Variants in GALNTL6 observed in about 807,000 individuals in gnomAD.
The protein encoded by GALNTL6 is polypeptide N-acetylgalactosaminyltransferase-like 6.
A neutral mutation model predicts 73.7 loss-of-function variants in GALNTL6; 46 were observed. The ratio of observed to expected loss-of-function variants is 0.62; its 90% CI spans 0.49 to 0.80. GALNTL6 has a LOEUF of 0.80. Ranked by LOEUF, GALNTL6 falls within the 30% of genes least tolerant of loss-of-function variation. GALNTL6 has a pLI of 0.00. For synonymous variants in GALNTL6, 259 were observed against 263.7 expected, an observed-to-expected ratio of 0.98 and a Z score of 0.17; for missense variants, 604 against 755.0, an observed-to-expected ratio of 0.80 and a Z score of 2.34.
chr4:172,713,681 A>C (rs1384476332), intron 5 of GALNTL6, among the ~76,000 whole-genome samples: 1 of 152,150 alleles, frequency 6.6e-6, no homozygotes, highest in East Asian at 1.9e-4. Context: ...GATTTCCCTC[A>C]AGTCAGAAAC....
At position 172,329,817 on chromosome 4, in the gene GALNTL6, G is replaced by A. The variant is rs143183068; in HGVS notation, c.386+18065G>A. On this transcript the variant is annotated intron_variant, in intron 4 of 12. Coordinates refer to ENST00000506823, the MANE Select transcript of GALNTL6 (RefSeq NM_001034845.3). Reference sequence around the variant, plus strand: ...TCAGAGAAGCTGGGAACCACTGAAAGGTGGGAAACACTGGCAAGGGTGGCT... The same window carrying A: ...TCAGAGAAGCTGGGAACCACTGAAAAGTGGGAAACACTGGCAAGGGTGGCT... Among the ~76,000 whole-genome samples, 121 of 152,270 alleles carry A rather than the reference G, an allele frequency of 7.9e-4. 2 individuals carry two copies. The South Asian group carries it at 0.016, about 20-fold the overall frequency.
chr4:171,821,110 G>A (rs112320290), intron 2 of GALNTL6, among the ~76,000 whole-genome samples: 1 of 151,914 alleles, frequency 6.6e-6, no homozygotes, highest in Admixed American at 6.6e-5. Flanking sequence ...ACTGTAACTC[G>A]CTGCAGCCTC....
intron 2 of GALNTL6, among the ~76,000 whole-genome samples, chr4:172,050,111 T>C (rs1408322351): frequency 2.0e-5 from 3 of 152,310 alleles, no homozygotes; most frequent in Middle Eastern, 3.4e-3. Flanking sequence ...TGGACTTTAG[T>C]AGTGGTAACT....
intron 2 of GALNTL6, among the ~76,000 whole-genome samples, chr4:172,216,330 G>GT (rs57059035): frequency 3.1e-4 from 45 of 144,686 alleles, no homozygotes; most frequent in Admixed American, 7.6e-4. Context: ...CAGTGTTTTT[G>GT]TTTTTTTTTT....
chr4:172,245,035 A>T lies in GALNTL6; in HGVS notation c.247+15271A>T, dbSNP rs927272946. Among the ~76,000 whole-genome samples, 9 of 152,194 alleles carry T rather than the reference A, an allele frequency of 5.9e-5. No homozygotes were observed. In the South Asian group the frequency reaches 1.9e-3, roughly 31 times the overall value. Reference sequence around the variant, plus strand: ...AAATTTTCTGCTGAAGGAACACGGTATCTGGCAAGAATCAAGACGAAAAAG... The same window carrying T: ...AAATTTTCTGCTGAAGGAACACGGTTTCTGGCAAGAATCAAGACGAAAAAG... On this transcript the variant is annotated intron_variant, in intron 3 of 12. Coordinates refer to ENST00000506823, the MANE Select transcript of GALNTL6 (RefSeq NM_001034845.3).
At chr4:172,955,608 T>A (rs867600802) in intron 10 of GALNTL6, among the ~76,000 whole-genome samples, 4 of 152,240 alleles carry the variant, frequency 2.6e-5, no homozygotes, top group Non-Finnish European at 5.9e-5. Flanking sequence ...CTTTTTATTT[T>A]GGAATAATTT....
At chr4:172,427,571 T>C (rs754655524) in intron 5 of GALNTL6, among the ~76,000 whole-genome samples, 10 of 152,100 alleles carry the variant, frequency 6.6e-5, no homozygotes, top group Non-Finnish European at 1.3e-4. Flanking sequence ...ACATGTTAAA[T>C]TGTGCTCAAT....
Position 171,838,134 on chromosome 4 carries a change from A to T in GALNTL6, c.138+23416A>T, listed in dbSNP as rs143779727. ...TATTTATTTATTTATTTATTTATTTATTTTTTGAGACAGAGTTTCGCTCTT... is the reference window on the plus strand; with the variant it reads ...TATTTATTTATTTATTTATTTATTTTTTTTTTGAGACAGAGTTTCGCTCTT... On this transcript the variant is annotated intron_variant, in intron 2 of 12. Transcript: ENST00000506823. 7.8e-3 allele frequency among the ~76,000 whole-genome samples: 1,179 copies of T among 150,688 alleles called. 20 individuals are homozygous for T. Among genetic ancestry groups the T allele is most frequent in the African/African-American group, 0.028 (1,118 of 40,520 alleles).
At chr4:172,253,685 G>A (rs919657084) in intron 3 of GALNTL6, among the ~76,000 whole-genome samples, 2 of 151,830 alleles carry the variant, frequency 1.3e-5, no homozygotes, top group African/African-American at 2.4e-5. Flanking sequence ...GGTAATAGAC[G>A]TTCACATCAG....
At chr4:172,482,028 G>A (rs1202606639) in intron 5 of GALNTL6, among the ~76,000 whole-genome samples, 4 of 152,236 alleles carry the variant, frequency 2.6e-5, no homozygotes, top group African/African-American at 9.6e-5. Context: ...CCGGGAGGCA[G>A]CTGAGGCCAG....
intron 5 of GALNTL6, among the ~76,000 whole-genome samples, chr4:172,804,148 T>A (rs953200745): frequency 4.6e-5 from 7 of 152,208 alleles, no homozygotes; most frequent in Non-Finnish European, 8.8e-5. Context: ...ATTAAAAAAA[T>A]TTAAGAATAT....
chr4:171,965,788 C>T (rs1259346971), intron 2 of GALNTL6, among the ~76,000 whole-genome samples: 4 of 151,672 alleles, frequency 2.6e-5, no homozygotes, highest in African/African-American at 9.7e-5. Context: ...TTGCCTTACA[C>T]AAGTGAGGGA....
intron 2 of GALNTL6, among the ~76,000 whole-genome samples, chr4:171,875,302 G>C (rs184159404): frequency 2.6e-5 from 4 of 152,302 alleles, no homozygotes; most frequent in Admixed American, 2.0e-4. Context: ...GACTGACCGG[G>C]CTGGGAGCAG....
At position 171,967,449 on chromosome 4, in the gene GALNTL6, T is replaced by TTTTTTTTGTTTG. The variant is rs747345394; in HGVS notation, c.138+152738_138+152739insGTTTGTTTTTTT. ...TTGTAGTTTTCTTCCCCCTATGGGT[T>TTTTTTTTGTTTG]TTTTTTTTTTTTTTTTGTAGATGTA... On this transcript the variant is annotated intron_variant, in intron 2 of 12. Transcript: ENST00000506823. Among the ~76,000 whole-genome samples the TTTTTTTTGTTTG allele has an allele frequency of 6.8e-3, 824 of 120,408 alleles. 16 individuals carry two copies. The highest frequency in any genetic ancestry group is 0.036 in the East Asian group (153 of 4,228). The allele number at this position is 120,408 out of a possible 152,430, so 79.0% of individuals were successfully genotyped here.
chr4:172,988,172 GC>G (rs1250724721), intron 10 of GALNTL6, among the ~76,000 whole-genome samples: 4 of 152,180 alleles, frequency 2.6e-5, no homozygotes, highest in Admixed American at 1.3e-4. Context: ...CAACCAAAAT[GC>G]CAATAGTAAT....
chr4:172,483,490 C>G (rs1439430484), intron 5 of GALNTL6, among the ~76,000 whole-genome samples: 1 of 152,006 alleles, frequency 6.6e-6, no homozygotes, highest in Non-Finnish European at 1.5e-5. Context: ...TTGTAGTGGC[C>G]TTTGTGATTC....
chr4:172,164,157 C>G lies in GALNTL6; in HGVS notation c.139-65499C>G, dbSNP rs546798799. Among the ~76,000 whole-genome samples the G allele has an allele frequency of 4.6e-5, 7 of 152,042 alleles. No homozygotes were observed. In the South Asian group the frequency reaches 6.2e-4, roughly 14 times the overall value. On this transcript the variant is annotated intron_variant, in intron 2 of 12. Transcript: ENST00000506823. Reference sequence around the variant, plus strand: ...ACTTTTGACATGGGACTGACTTACTCTTGAGAAGTATAAAAGTATTTTTAC... The same window carrying G: ...ACTTTTGACATGGGACTGACTTACTGTTGAGAAGTATAAAAGTATTTTTAC...
intron 3 of GALNTL6, among the ~76,000 whole-genome samples, chr4:172,256,149 T>A (rs542420963): frequency 6.6e-6 from 1 of 151,614 alleles, no homozygotes; most frequent in South Asian, 2.1e-4. Flanking sequence ...ATCACCATCA[T>A]CTTCCTGACT....
intron 5 of GALNTL6, among the ~76,000 whole-genome samples, chr4:172,799,858 A>T (rs982880785): frequency 1.3e-5 from 2 of 152,200 alleles, no homozygotes; most frequent in Non-Finnish European, 2.9e-5. Context: ...CAAAGGTGAA[A>T]GCAACCAAAA....
Sources: allele counts gnomAD v4.1 joint callset (sites outside exome capture counted in the v4.1 genomes callset), GRCh38; gene constraint gnomAD v4.1.1; transcripts MANE v1.5; gene names NCBI Gene and HGNC (gene_info 2026-07-23, HGNC 2026-07-21).